The following KIF21A variants were observed in gnomAD, a reference collection of about 807,000 sequenced individuals.
The protein encoded by KIF21A is kinesin-like protein KIF21A.
KIF21A carries 114 observed loss-of-function variants against 202.9 expected under a neutral mutation model. The ratio of observed to expected loss-of-function variants is 0.56; its 90% CI spans 0.48 to 0.66. The LOEUF is 0.66. KIF21A is among the 30% of genes least tolerant of loss of function. The pLI is 0.00. For synonymous variants in KIF21A, 667 were observed against 670.8 expected (o/e 0.99, Z 0.09); for missense variants, 1,677 against 1,994.9 (o/e 0.84, Z 3.04).
intron 37 of KIF21A, among the ~76,000 whole-genome samples, chr12:39,295,535 T>C (rs1942226048): frequency 6.6e-6 from 1 of 152,182 alleles, no homozygotes; most frequent in Middle Eastern, 3.4e-3. Context: ...TTGTAATCAG[T>C]TATCTTCTCA....
chr12:39,357,995 A>C (rs1948925907), intron 8 of KIF21A, among the ~76,000 whole-genome samples, 183 bp downstream of exon 8: 1 of 148,032 alleles, frequency 6.8e-6, no homozygotes, highest in African/African-American at 2.5e-5. Flanking sequence ...TTGTTAAGTT[A>C]GACTGAACAT....
At chr12:39,406,117 C>CA (rs768002322) in intron 1 of KIF21A, among the ~76,000 whole-genome samples, 45 of 150,888 alleles carry the variant, frequency 3.0e-4, no homozygotes, top group African/African-American at 1.0e-3. Flanking sequence ...AACAAACAAA[C>CA]AAAAAAAATT....
Position 39,416,766 on chromosome 12 carries a change from T to TATATATGTACATATATATACACAC in KIF21A, c.44+26160_44+26161insGTGTGTATATATATGTACATATAT, listed in dbSNP as rs1566270056. 2.3e-5 allele frequency among the ~76,000 whole-genome samples: 2 copies of TATATATGTACATATATATACACAC among 88,454 alleles called. 1 individual carries two copies. The highest frequency in any genetic ancestry group is 1.1e-4 in the African/African-American group (2 of 17,906). The allele number at this position is 88,454 out of a possible 152,430, so 58.0% of individuals were successfully genotyped here. A position where few individuals can be genotyped will look rare whatever the true frequency, so the allele number is the denominator to read the frequency against. On this transcript the variant is annotated intron_variant, in intron 1 of 37. Coordinates refer to ENST00000361418, the MANE Select transcript of KIF21A (RefSeq NM_001173464.2). ...ATATATATGTACATATATATGTGTA[T>TATATATGTACATATATATACACAC]ATATATATGTACATATATATGTGTA...
At chr12:39,347,238 A>C (rs1314016778) in intron 11 of KIF21A, among the ~76,000 whole-genome samples, 1 of 148,592 alleles carries the variant, frequency 6.7e-6, no homozygotes, top group Non-Finnish European at 1.5e-5. Context: ...AACAGTGGCA[A>C]AAAAAAAAGG....
chr12:39,360,218 G>C (rs1949101031), intron 7 of KIF21A, among the ~76,000 whole-genome samples: 1 of 151,718 alleles, frequency 6.6e-6, no homozygotes, highest in Non-Finnish European at 1.5e-5. Context: ...CTAAAAAAAA[G>C]CTATTTATTT....
At chr12:39,396,130 C>T (rs1477762159) in intron 1 of KIF21A, among the ~76,000 whole-genome samples, 1 of 152,128 alleles carries the variant, frequency 6.6e-6, no homozygotes, top group African/African-American at 2.4e-5. Flanking sequence ...CCTAAGATAG[C>T]CATCAGAACA....
At position 39,303,117 on chromosome 12, in the gene KIF21A, C is replaced by T; in HGVS notation, c.4579G>A (p.Gly1527Arg). 1 of 1,613,974 alleles carries T rather than the reference C, an allele frequency of 6.2e-7. No individual in the cohort carries two copies. Among genetic ancestry groups the T allele is most frequent in the Non-Finnish European group, 8.5e-7 (1 of 1,179,934 alleles). Reference protein sequence around the residue: ...HYIKMFDVTEGALGTVSPTHN... With the variant: ...HYIKMFDVTERALGTVSPTHN... ...GTGGGACTCACAGTCCCAAGAGCTC[C>T]TTCTGTAACATCAAACATCTAAAAA... The change falls in exon 36 of 38, where the codon GGA becomes AGA. Residue 1527 changes from glycine to arginine, a missense_variant. Around this residue, in one of 3 missense-constraint regions of KIF21A, gnomAD observed 705 missense variants for 791.9 expected, o/e 0.89. Coordinates refer to ENST00000361418, the MANE Select transcript of KIF21A (RefSeq NM_001173464.2).
intron 15 of KIF21A, 22 bp from the exon 16 acceptor site, chr12:39,340,386 T>G: frequency 6.4e-7 from 1 of 1,552,072 alleles, no homozygotes; most frequent in African/African-American, 1.4e-5. Flanking sequence ...GAGGACATTT[T>G]TATATGTTTT....
At chr12:39,410,165 G>A (rs1952969086) in intron 1 of KIF21A, among the ~76,000 whole-genome samples, 1 of 152,114 alleles carries the variant, frequency 6.6e-6, no homozygotes, top group African/African-American at 2.4e-5. Context: ...AGGGCCCTGA[G>A]CCCAGGAATG....
chr12:39,411,279 T>C (rs1173306928), intron 1 of KIF21A, among the ~76,000 whole-genome samples: 1 of 152,220 alleles, frequency 6.6e-6, no homozygotes, highest in African/African-American at 2.4e-5. Context: ...ATAGCCTTGA[T>C]ATGCATAGAC....
chr12:39,405,481 TA>T (rs964686834), intron 1 of KIF21A, among the ~76,000 whole-genome samples: 1 of 152,124 alleles, frequency 6.6e-6, no homozygotes, highest in African/African-American at 2.4e-5. Flanking sequence ...ATTGCAACAT[TA>T]AAAAAAGTAT....
chr12:39,416,655 A>ATGTGTATATATATATGTACATATATG (rs1953655117), intron 1 of KIF21A, among the ~76,000 whole-genome samples: 1 of 103,200 alleles, frequency 9.7e-6, no homozygotes, highest in Admixed American at 9.9e-5. Context: ...GTACATATAT[A>ATGTGTATATATATATGTACATATATG]TGTGTATATA....
At position 39,441,676 on chromosome 12, in the gene KIF21A, A is replaced by AAAAAAAAC. The variant is rs1041857523; in HGVS notation, c.44+1250_44+1251insGTTTTTTT. On this transcript the variant is annotated intron_variant, in intron 1 of 37. Coordinates refer to ENST00000361418, the MANE Select transcript of KIF21A (RefSeq NM_001173464.2). ...CCTGGGTGGTAAAAAAAAAAAAAAA[A>AAAAAAAAC]AAAACACTTAAAAACTCATTTTATT... is the stretch of plus-strand genomic sequence containing the variant. Among the ~76,000 whole-genome samples, 40 of 137,308 alleles carry AAAAAAAAC rather than the reference A, an allele frequency of 2.9e-4. 3 individuals carry two copies. The highest frequency in any genetic ancestry group is 4.4e-4 in the Non-Finnish European group (28 of 64,186). 90.1% of individuals were successfully genotyped at this position (137,308 alleles called of 152,430 possible).
chr12:39,358,037 A>G, intron 8 of KIF21A, 141 bp downstream of exon 8: 1 of 738,330 alleles, frequency 1.4e-6, no homozygotes, highest in South Asian at 1.6e-5. Flanking sequence ...AAAACTAGAG[A>G]CTCTTACCTC....
rs1279903298 is a variant in KIF21A at position 39,304,132 on chromosome 12, T to C, written c.4560+689A>G. On this transcript the variant is annotated intron_variant, in intron 35 of 37. Transcript: ENST00000361418. ...CTCTAGGGTATAGAATCCTCTTTTC[T>C]TAACCATTCTAATTTCAAGTCATTA... is the stretch of plus-strand genomic sequence containing the variant. 3.9e-5 allele frequency among the ~76,000 whole-genome samples: 6 copies of C among 152,314 alleles called. No individual in the cohort carries two copies. The East Asian group carries it at 1.2e-3, about 29-fold the overall frequency.
chr12:39,408,862 C>T (rs1952834302), intron 1 of KIF21A, among the ~76,000 whole-genome samples: 1 of 151,580 alleles, frequency 6.6e-6, no homozygotes, highest in African/African-American at 2.4e-5. Flanking sequence ...CTCTGTCACT[C>T]AGGCTGGAGT....
intron 10 of KIF21A, among the ~76,000 whole-genome samples, chr12:39,355,092 C>T (rs562768789): frequency 6.6e-6 from 1 of 152,218 alleles, no homozygotes; most frequent in Admixed American, 6.5e-5. Context: ...AATTAAAGAG[C>T]CATCAGAGAC....
chr12:39,336,927 A>G (rs1451971461), intron 17 of KIF21A, among the ~76,000 whole-genome samples, 169 bp downstream of exon 17: 1 of 152,200 alleles, frequency 6.6e-6, no homozygotes, highest in Non-Finnish European at 1.5e-5. Context: ...ATACTGAATT[A>G]CCATAATCCA....
intron 29 of KIF21A, among the ~76,000 whole-genome samples, chr12:39,317,220 T>G (rs1424695024): frequency 6.6e-6 from 1 of 152,130 alleles, no homozygotes; most frequent in African/African-American, 2.4e-5. Flanking sequence ...CTTTAAAAAC[T>G]ACGGTATGAT....
Sources: allele counts gnomAD v4.1 joint callset (sites outside exome capture counted in the v4.1 genomes callset), GRCh38; gene constraint gnomAD v4.1.1; regional missense constraint gnomAD v4.1.1; transcripts MANE v1.5; gene names NCBI Gene and HGNC (gene_info 2026-07-23, HGNC 2026-07-21).